The following LGALS3BP variants were observed in gnomAD, a reference collection of about 807,000 sequenced individuals.
LGALS3BP encodes galectin-3-binding protein.
In LGALS3BP, 25 loss-of-function variants were observed where a neutral mutation model predicts 22.9. The observed-to-expected ratio is 1.09, with a 90% CI of 0.80 to 1.53. LGALS3BP has a LOEUF of 1.53. LGALS3BP is among the 40% of genes most tolerant of loss of function. The pLI, the probability that LGALS3BP is intolerant of heterozygous loss-of-function variation, is 0.00. For missense variants in LGALS3BP, 718 were observed against 752.0 expected (o/e 0.95, Z 0.53); for synonymous variants, 335 against 331.1 (o/e 1.01, Z -0.13).
rs572007354 is a variant in LGALS3BP, at chr17:78,972,362, G to T, written c.972C>A (p.Ala324=). The T allele has an allele frequency of 1.9e-6, 3 of 1,613,476 alleles. No individual in the cohort carries two copies. Among genetic ancestry groups the T allele is most frequent in the East Asian group, 2.2e-5 (1 of 44,886 alleles). ...GCTCCCCCCAGCTCCAGGTGTCCAC[G>T]GCCTTCAGTAGGGCCAGCTCGCTGG... ...AVPSELALLK[A]VDTWSWGERA... The change falls in exon 6 of 6, where the codon GCC becomes GCA. Residue 324 remains alanine, a synonymous_variant. Transcript: ENST00000262776. The surrounding 1 kb of genome is among the most constrained non-coding windows in gnomAD (Gnocchi z 5.1).
chr17:78,977,564 G>T, intron 1 of LGALS3BP: 1 of 267,352 alleles, frequency 3.7e-6, no homozygotes, highest in Non-Finnish European at 7.3e-6. Flanking sequence ...ACACGGGCAT[G>T]GGCGGGGAGA....
At position 78,976,185 on chromosome 17, in the gene LGALS3BP, C is replaced by T. The variant is rs531229251; in HGVS notation, c.53-29G>A. On this transcript the variant is annotated intron_variant, in intron 2 of 5. Transcript: ENST00000262776. The surrounding 1 kb of genome is among the most constrained non-coding windows in gnomAD (Gnocchi z 4.6). ...CAGGCAGAGACCAGCGAGGGCGAGG[C>T]TGGGGCCTGCAGCACCCACCGCCCA... The T allele has an allele frequency of 2.9e-5, 44 of 1,527,456 alleles. No homozygotes were observed. In the Admixed American group the frequency reaches 4.8e-4, roughly 17 times the overall value. 94.6% of individuals were successfully genotyped at this position (1,527,456 alleles called of 1,614,324 possible).
At chr17:78,975,791 CAAAAAAAAAAAAAAA>C (rs60470107) in intron 3 of LGALS3BP, among the ~76,000 whole-genome samples, 159 bp downstream of exon 3, 643 of 52,356 alleles carry the variant, frequency 0.012, 18 homozygotes, top group East Asian at 0.096. Flanking sequence ...GACTCCATCT[CAAAAAAAAAAAAAAA>C]AAAAAAAAAA....
chr17:78,972,529 C>A lies in LGALS3BP; in HGVS notation c.805G>T (p.Ala269Ser), dbSNP rs374660538. 1.2e-6 allele frequency: 2 copies of A among 1,612,116 alleles called. No homozygotes were observed. The highest frequency in any genetic ancestry group is 2.7e-5 in the African/African-American group (2 of 74,910). The change falls in exon 6 of 6, where the codon GCC becomes TCC. Residue 269 changes from alanine (A) to serine (S), a missense_variant. Transcript: ENST00000262776. The surrounding 1 kb of genome is among the most constrained non-coding windows in gnomAD (Gnocchi z 5.1). ...MPLDLYAYAV[A>S]TGDALLEKLC... ...TTCTCCAGCAGGGCGTCCCCTGTGG[C>A]CACTGCATAGGCATACAGGTCCAGG...
chr17:78,979,426 G>A (rs2145826717), intron 1 of LGALS3BP: 1 of 152,390 alleles, frequency 6.6e-6, no homozygotes. Context: ...TGCAAACAGG[G>A]AGGCATGACC....
chr17:78,974,122 A>G (rs570514219), intron 4 of LGALS3BP, among the ~76,000 whole-genome samples: 1 of 152,292 alleles, frequency 6.6e-6, no homozygotes, highest in Non-Finnish European at 1.5e-5. Context: ...GGGGCCTCCA[A>G]CTCCTGGCAA....
Position 78,976,033 on chromosome 17 carries a change from C to T in LGALS3BP, c.176G>A (p.Ser59Asn), listed in dbSNP as rs752035528. ...CDNLWDLTDA[S>N]VVCRALGFEN... Reference sequence around the variant, plus strand: ...GAAGCCCAGGGCCCGGCAGACGACGCTGGCATCAGTCAGGTCCCACAGGTT... The same window carrying T: ...GAAGCCCAGGGCCCGGCAGACGACGTTGGCATCAGTCAGGTCCCACAGGTT... The change falls in exon 3 of 6, where the codon AGC becomes AAC. Residue 59 changes from serine (S) to asparagine (N), a missense_variant. Ser to Asn is a conservative substitution (Grantham distance 46, BLOSUM62 1). Transcript: ENST00000262776. The surrounding 1 kb of genome is among the most constrained non-coding windows in gnomAD (Gnocchi z 4.6). 1 of 1,612,878 alleles carries T rather than the reference C, an allele frequency of 6.2e-7. No homozygotes were observed. Among genetic ancestry groups the T allele is most frequent in the Non-Finnish European group, 8.5e-7 (1 of 1,179,878 alleles).
Position 78,977,613 on chromosome 17 carries a change from G to A in LGALS3BP, c.-23-399C>T, listed in dbSNP as rs8065369. On this transcript the variant is annotated intron_variant, in intron 1 of 5. Coordinates refer to ENST00000262776, the MANE Select transcript of LGALS3BP (RefSeq NM_005567.4). ...AGGCGTGGGCCCAGGTCGGGAGGCCGGGTGAGCCTGGTTAAGATCTCGGCC... is the reference window on the plus strand; with the variant it reads ...AGGCGTGGGCCCAGGTCGGGAGGCCAGGTGAGCCTGGTTAAGATCTCGGCC... 852 of 213,648 alleles carry A rather than the reference G, an allele frequency of 4.0e-3. 5 individuals are homozygous for A. Among genetic ancestry groups the A allele is most frequent in the African/African-American group, 0.014 (583 of 42,664 alleles). The allele number at this position is 213,648 out of a possible 1,614,324, so 13.2% of individuals were successfully genotyped here.
intron 3 of LGALS3BP, among the ~76,000 whole-genome samples, chr17:78,975,559 G>T (rs910864924): frequency 2.0e-5 from 3 of 152,082 alleles, no homozygotes; most frequent in Non-Finnish European, 4.4e-5. Flanking sequence ...GGAGGCTGAG[G>T]CGGGCGGATC....
Position 78,976,041 on chromosome 17 carries a change from A to G in LGALS3BP, c.168T>C (p.Thr56=). ...GTVCDNLWDL[T]DASVVCRALG... Reference sequence around the variant, plus strand: ...GGGCCCGGCAGACGACGCTGGCATCAGTCAGGTCCCACAGGTTGTCACACA... The same window carrying G: ...GGGCCCGGCAGACGACGCTGGCATCGGTCAGGTCCCACAGGTTGTCACACA... The change falls in exon 3 of 6, where the codon ACT becomes ACC. Residue 56 remains threonine, a synonymous_variant. Transcript: ENST00000262776. This position sits in a 1 kb window ranked among gnomAD's most constrained non-coding sequence, Gnocchi z 4.6. The G allele has an allele frequency of 6.2e-7, 1 of 1,612,784 alleles. No individual in the cohort carries two copies. The highest frequency in any genetic ancestry group is 1.1e-5 in the South Asian group (1 of 90,946).
chr17:78,979,191 T>C (rs1386228615), intron 1 of LGALS3BP, among the ~76,000 whole-genome samples: 2 of 152,308 alleles, frequency 1.3e-5, no homozygotes, highest in East Asian at 3.9e-4. Flanking sequence ...GGCCCCTTCG[T>C]GCAAATCAGA....
At chr17:78,978,530 A>G (rs1422847525) in intron 1 of LGALS3BP, among the ~76,000 whole-genome samples, 1 of 152,120 alleles carries the variant, frequency 6.6e-6, no homozygotes, top group Non-Finnish European at 1.5e-5. Context: ...GGGGGAGCCC[A>G]CCTCTCCTCC....
chr17:78,974,782 CGTG>C lies in LGALS3BP; in HGVS notation c.279_281del (p.Cys93_Thr94delinsTrp). The C allele has an allele frequency of 6.2e-7, 1 of 1,613,836 alleles. No individual in the cohort carries two copies. The highest frequency in any genetic ancestry group is 2.2e-5 in the East Asian group (1 of 44,882). On this transcript the variant is annotated inframe_deletion, in exon 4 of 6. Coordinates refer to ENST00000262776, the MANE Select transcript of LGALS3BP (RefSeq NM_005567.4). Reference sequence around the variant, plus strand: ...AGTCGGCCAGTGAGGCCTCGGTTCCCGTGCACTGGACCTCATCCAGCATGATGG... The same window carrying C: ...AGTCGGCCAGTGAGGCCTCGGTTCCCCACTGGACCTCATCCAGCATGATGG...
chr17:78,979,313 A>C (rs2070745489), intron 1 of LGALS3BP: 1 of 152,368 alleles, frequency 6.6e-6, no homozygotes, highest in Admixed American at 6.5e-5. Flanking sequence ...ATCCTTGTGC[A>C]GTGAGTAATC....
chr17:78,973,309 G>C lies in LGALS3BP; in HGVS notation c.377-87C>G. On this transcript the variant is annotated intron_variant, in intron 4 of 5. Transcript: ENST00000262776. This position sits in a 1 kb window ranked among gnomAD's most constrained non-coding sequence, Gnocchi z 5.8. ...GTCAGTGTCTTCATCTGAAAGTGAG[G>C]GATTTGTGGCTGCCTCATTCACTCT... The C allele has an allele frequency of 7.2e-7, 1 of 1,390,144 alleles. No homozygotes were observed. Among genetic ancestry groups the C allele is most frequent in the Non-Finnish European group, 9.5e-7 (1 of 1,057,096 alleles). The allele number at this position is 1,390,144 out of a possible 1,614,324, so 86.1% of individuals were successfully genotyped here. A position where few individuals can be genotyped will look rare whatever the true frequency, so the allele number is the denominator to read the frequency against.
chr17:78,977,390 C>T (rs569528665), intron 1 of LGALS3BP, 176 bp from the exon 2 acceptor site: 43 of 591,164 alleles, frequency 7.3e-5, no homozygotes, highest in South Asian at 1.4e-4. Flanking sequence ...GATGCCCCCG[C>T]GGGGGCCCCT....
At position 78,972,790 on chromosome 17, in the gene LGALS3BP, T is replaced by A; in HGVS notation, c.630-86A>T. On this transcript the variant is annotated intron_variant, in intron 5 of 5. Transcript: ENST00000262776. The surrounding 1 kb of genome is among the most constrained non-coding windows in gnomAD (Gnocchi z 5.1). ...CAACTGTCCAACACAGCCACCTGAG[T>A]GCACACAGTGTGGGAGTGAGCATGC... 2.0e-6 allele frequency: 3 copies of A among 1,476,336 alleles called. No homozygotes were observed. The highest frequency in any genetic ancestry group is 2.7e-6 in the Non-Finnish European group (3 of 1,105,114). The allele number at this position is 1,476,336 out of a possible 1,614,324, so 91.5% of individuals were successfully genotyped here.
Position 78,972,814 on chromosome 17 carries a change from G to A in LGALS3BP, c.630-110C>T. ...GTGCACACAGTGTGGGAGTGAGCAT[G>A]CGTGTGTGTGCAACTGCGTGAGTGC... is the stretch of plus-strand genomic sequence containing the variant. On this transcript the variant is annotated intron_variant, in intron 5 of 5. Coordinates refer to ENST00000262776, the MANE Select transcript of LGALS3BP (RefSeq NM_005567.4). The surrounding 1 kb of genome is among the most constrained non-coding windows in gnomAD (Gnocchi z 5.1). 7.0e-7 allele frequency: 1 copy of A among 1,433,364 alleles called. No individual in the cohort carries two copies. Among genetic ancestry groups the A allele is most frequent in the Non-Finnish European group, 9.4e-7 (1 of 1,066,894 alleles). 88.8% of individuals were successfully genotyped at this position (1,433,364 alleles called of 1,614,324 possible). A position where few individuals can be genotyped will look rare whatever the true frequency, so the allele number is the denominator to read the frequency against.
At chr17:78,975,791 C>CAAAAAAAAAA (rs60470107) in intron 3 of LGALS3BP, among the ~76,000 whole-genome samples, 174 bp downstream of exon 3, 2 of 52,248 alleles carry the variant, frequency 3.8e-5, no homozygotes, top group South Asian at 1.1e-3. Context: ...GACTCCATCT[C>CAAAAAAAAAA]AAAAAAAAAA....
Sources: gnomAD v4.1 joint callset for allele counts (sites outside exome capture counted in the v4.1 genomes callset) on GRCh38, gnomAD v4.1.1 for gene constraint, Gnocchi (gnomAD v3.1) non-coding constraint, MANE v1.5 for transcripts, NCBI Gene and HGNC (gene_info 2026-07-23, HGNC 2026-07-21) for gene names.